The following SPTB variants were observed in gnomAD, a reference collection of about 807,000 sequenced individuals.
The protein encoded by SPTB is spectrin beta, erythrocytic.
In SPTB, 45 loss-of-function variants were observed where a neutral mutation model predicts 256.2. The observed-to-expected ratio is 0.18, with a 90% CI of 0.14 to 0.23. The LOEUF is 0.23. Among genes scored for constraint, SPTB ranks in the 10% least tolerant of loss-of-function variants. The pLI is 1.00. For missense variants in SPTB, 2,715 were observed against 3,040.4 expected, an observed-to-expected ratio of 0.89 and a Z score of 2.52; for synonymous variants, 1,231 against 1,243.1, an observed-to-expected ratio of 0.99 and a Z score of 0.21.
intron 33 of SPTB, among the ~76,000 whole-genome samples, chr14:64,751,597 TTA>T (rs1416328379): frequency 1.3e-5 from 2 of 152,154 alleles, no homozygotes; most frequent in African/African-American, 4.8e-5. Flanking sequence ...TGAAGTACAC[TTA>T]TAGAACTATT....
At chr14:64,874,501 A>C (rs2139832206) in intron 1 of SPTB, among the ~76,000 whole-genome samples, 1 of 152,198 alleles carries the variant, frequency 6.6e-6, no homozygotes, top group African/African-American at 2.4e-5. Flanking sequence ...CTAACTCTCT[A>C]TGACTTATGA....
intron 1 of SPTB, among the ~76,000 whole-genome samples, chr14:64,837,436 A>G (rs546862903): frequency 6.6e-6 from 1 of 152,292 alleles, no homozygotes; most frequent in South Asian, 2.1e-4. Context: ...TAAAGAAAGA[A>G]ACCAAAGATC....
chr14:64,775,215 G>A lies in SPTB; in HGVS notation c.4752C>T (p.Asn1584=), dbSNP rs4902311. The A allele has an allele frequency of 0.072, 115,467 of 1,613,800 alleles. 4,598 individuals carry two copies. Among genetic ancestry groups the A allele is most frequent in the Non-Finnish European group, 0.082 (97,068 of 1,180,002 alleles). ...AGRLQRLRDA[N]EAQQYYLDAD... is the part of the protein sequence containing the mutation. ...CATCCAGGTAGTACTGCTGTGCCTCGTTGGCGTCCCTCAGTCGCTGCAGCC... is the reference window on the plus strand; with the variant it reads ...CATCCAGGTAGTACTGCTGTGCCTCATTGGCGTCCCTCAGTCGCTGCAGCC... Residue 1584 remains asparagine, a synonymous_variant, in exon 23 of 36, where the codon AAC becomes AAT. Coordinates refer to ENST00000644917, the MANE Select transcript of SPTB (RefSeq NM_001355436.2). The surrounding 1 kb of genome is among the most constrained non-coding windows in gnomAD (Gnocchi z 5.0).
rs184454469 is a variant in SPTB at position 64,877,652 on chromosome 14, T to C, written c.-52+2140A>G. On this transcript the variant is annotated intron_variant, in intron 1 of 35. Transcript: ENST00000644917. The stretch of plus-strand genomic sequence containing the variant: ...CAACAAAGGTTAACTGAGGTTCCAC[T>C]ACCATCCAGGTACTGGGTACAACAA... Among the ~76,000 whole-genome samples the C allele has an allele frequency of 2.0e-3, 306 of 152,360 alleles. 1 individual carries two copies. Among genetic ancestry groups the C allele is most frequent in the African/African-American group, 7.3e-3 (303 of 41,590 alleles).
Position 64,782,429 on chromosome 14 carries a change from G to A in SPTB, c.4127C>T (p.Ser1376Leu), listed in dbSNP as rs200559187. 1.7e-5 allele frequency: 27 copies of A among 1,614,134 alleles called. No homozygotes were observed. Among genetic ancestry groups the A allele is most frequent in the Middle Eastern group, 1.6e-4 (1 of 6,062 alleles). The change falls in exon 20 of 36, where the codon TCG (serine) becomes TTG (leucine). Residue 1376 changes from serine to leucine, a missense_variant. Physicochemically the swap from Ser to Leu is moderately radical, Grantham distance 145. Transcript: ENST00000644917. ...ATTKEKTQHL[S>L]AARSSDLRLQ... ...GCGCAGGTCGGAGCTCCTGGCAGCC[G>A]AGAGGTGCTGGGTCTTCTCCTTTGT...
chr14:64,859,578 T>C (rs762072), intron 1 of SPTB, among the ~76,000 whole-genome samples: 142,715 of 152,166 alleles, frequency 0.94, 67,531 homozygotes, highest in Non-Finnish European at 0.98. Flanking sequence ...AACCCATCTC[T>C]ACTAAAAATT....
intron 13 of SPTB, among the ~76,000 whole-genome samples, 196 bp downstream of exon 13, chr14:64,794,271 T>C (rs2082727379): frequency 6.6e-6 from 1 of 152,100 alleles, no homozygotes; most frequent in African/African-American, 2.4e-5. Context: ...TCCTTGGTGA[T>C]TATAGGTTAC....
In SPTB at chr14:64,795,650, G is replaced by T; in HGVS notation, c.1342-11C>A. On this transcript the variant is annotated splice_polypyrimidine_tract_variant and intron_variant, in intron 11 of 35. Transcript: ENST00000644917. The surrounding 1 kb of genome is among the most constrained non-coding windows in gnomAD (Gnocchi z 6.5). ...ATACCCAAAGTTATCCTGCCCCACC[G>T]GGAGAAAAACAGGCAGCTCAGTCAG... 6.2e-7 allele frequency: 1 copy of T among 1,613,592 alleles called. No homozygotes were observed. The highest frequency in any genetic ancestry group is 8.5e-7 in the Non-Finnish European group (1 of 1,179,980).
At chr14:64,766,170 G>GTATT (rs71123883) in intron 32 of SPTB, among the ~76,000 whole-genome samples, 7,437 of 147,720 alleles carry the variant, frequency 0.05, 274 homozygotes, top group African/African-American at 0.11. Flanking sequence ...GTGTGTATGT[G>GTATT]TATGTGTGTG....
chr14:64,808,332 C>T (rs2083024391), intron 2 of SPTB, among the ~76,000 whole-genome samples: 1 of 152,020 alleles, frequency 6.6e-6, no homozygotes, highest in African/African-American at 2.4e-5. Context: ...CTTTCTTTCC[C>T]TTTCCTTCCC....
chr14:64,768,182 T>G, intron 29 of SPTB: 1 of 424,426 alleles, frequency 2.4e-6, no homozygotes, highest in Non-Finnish European at 4.4e-6. Context: ...GCTGGGACTA[T>G]AGGTGTGCAC....
At chr14:64,862,741 G>C (rs1881923414) in intron 1 of SPTB, among the ~76,000 whole-genome samples, 1 of 152,030 alleles carries the variant, frequency 6.6e-6, no homozygotes, top group African/African-American at 2.4e-5. Context: ...TGGGCGTGGT[G>C]TTGGGCGCCT....
chr14:64,770,516 G>C (rs1029914464), intron 27 of SPTB, among the ~76,000 whole-genome samples: 2 of 152,164 alleles, frequency 1.3e-5, no homozygotes, highest in African/African-American at 4.8e-5. Context: ...TGGGGGAAGG[G>C]CCCCCTCACA....
rs551692231 is a variant in SPTB, at chr14:64,820,683, C to T, written c.148+2264G>A. ...TCTTTCCTGATCAACCTAGGACTGA[C>T]CACTAAACACAGAGTCTTGCTCTGT... On this transcript the variant is annotated intron_variant, in intron 2 of 35. Coordinates refer to ENST00000644917, the MANE Select transcript of SPTB (RefSeq NM_001355436.2). Among the ~76,000 whole-genome samples, 7 of 152,242 alleles carry T rather than the reference C, an allele frequency of 4.6e-5. No individual in the cohort carries two copies. In the South Asian group the frequency reaches 1.5e-3, roughly 32 times the overall value.
intron 28 of SPTB, 133 bp downstream of exon 28, chr14:64,769,457 G>A (rs2082244829): frequency 1.2e-5 from 15 of 1,270,750 alleles, no homozygotes; most frequent in African/African-American, 1.5e-5. Context: ...GTGTAGCCCC[G>A]ATCTCCATGA....
At chr14:64,857,885 A>G (rs931187149) in intron 1 of SPTB, among the ~76,000 whole-genome samples, 1 of 152,212 alleles carries the variant, frequency 6.6e-6, no homozygotes, top group Non-Finnish European at 1.5e-5. Context: ...CTAAAAAGCA[A>G]CAAATTTGCA....
In SPTB at chr14:64,795,295, T is replaced by G. The variant is rs768274121; in HGVS notation, c.1644+42A>C. On this transcript the variant is annotated intron_variant, in intron 12 of 35. Transcript: ENST00000644917. The surrounding 1 kb of genome is among the most constrained non-coding windows in gnomAD (Gnocchi z 6.5). ...ACTGCAGGGCCACTGAGACCCAAGG[T>G]GAGCACTGCAGGGCATGGCGGGGGC... The G allele has an allele frequency of 8.7e-6, 14 of 1,601,286 alleles. No individual in the cohort carries two copies. The highest frequency in any genetic ancestry group is 1.3e-5 in the African/African-American group (1 of 74,830).
In SPTB at chr14:64,866,223, CAGAGCTTCTA is replaced by C. The variant is rs964995618; in HGVS notation, c.-52+13559_-52+13568del. Among the ~76,000 whole-genome samples the C allele has an allele frequency of 2.6e-5, 4 of 152,162 alleles. No homozygotes were observed. Among genetic ancestry groups the C allele is most frequent in the African/African-American group, 9.7e-5 (4 of 41,434 alleles). On this transcript the variant is annotated intron_variant, in intron 1 of 35. Transcript: ENST00000644917. This position sits in a 1 kb window ranked among gnomAD's most constrained non-coding sequence, Gnocchi z 4.6. ...ATGATCACTAGCATTCATGACATTC[CAGAGCTTCTA>C]GAAGCTGCTAGTTGTTTATCCTACC...
rs184386961 is a variant in SPTB at position 64,876,929 on chromosome 14, T to C, written c.-52+2863A>G. On this transcript the variant is annotated intron_variant, in intron 1 of 35. Transcript: ENST00000644917. ...CGAGTAATAAGAAGTGTGGGTGCCATAGCTACACATCAATGATCAGGTACA... is the reference window on the plus strand; with the variant it reads ...CGAGTAATAAGAAGTGTGGGTGCCACAGCTACACATCAATGATCAGGTACA... 2.0e-5 allele frequency among the ~76,000 whole-genome samples: 3 copies of C among 152,272 alleles called. No individual in the cohort carries two copies. In the East Asian group the frequency reaches 5.8e-4, roughly 29 times the overall value.
Sources: allele counts gnomAD v4.1 joint callset (sites outside exome capture counted in the v4.1 genomes callset), GRCh38; gene constraint gnomAD v4.1.1; non-coding constraint Gnocchi (gnomAD v3.1); transcripts MANE v1.5; gene names NCBI Gene and HGNC (gene_info 2026-07-23, HGNC 2026-07-21).